Variants in ECHDC2 observed in about 807,000 individuals in gnomAD.
The protein encoded by ECHDC2 is enoyl-CoA hydratase domain-containing protein 2, mitochondrial.
In ECHDC2, 34 loss-of-function variants were observed where a neutral mutation model predicts 40.6. That is an observed-to-expected ratio of 0.84 (90% confidence interval 0.64 to 1.11). The LOEUF (loss-of-function observed/expected upper bound fraction) is 1.11. ECHDC2 is among the 50% of genes most tolerant of loss of function. The probability of loss-of-function intolerance (pLI) is 0.00; values close to 1 mark genes in which losing one functional copy is unlikely to be tolerated. For synonymous variants in ECHDC2, 162 were observed against 166.6 expected (o/e 0.97, Z 0.21); for missense variants, 392 against 400.7 (o/e 0.98, Z 0.19).
intron 7 of ECHDC2, 149 bp downstream of exon 7, chr1:52,904,497 T>A: frequency 1.4e-6 from 1 of 698,814 alleles, no homozygotes; most frequent in Admixed American, 3.4e-5. Context: ...TTTGACTTGA[T>A]TGTGTTTACT....
At chr1:52,899,653 T>C (rs1257091685) in intron 7 of ECHDC2, 2 of 169,562 alleles carry the variant, frequency 1.2e-5, no homozygotes, top group Admixed American at 1.1e-4. Flanking sequence ...AGACTTGGAT[T>C]GGACTCCCAA....
chr1:52,915,414 C>G lies in ECHDC2; in HGVS notation c.122-3624G>C, dbSNP rs1465876537. ...GGGTGTTCAGCCAGGAATTACAGAA[C>G]TATGGCTAGGGGCAAAGAACTGTAA... On this transcript the variant is annotated intron_variant, in intron 1 of 9. Coordinates refer to ENST00000371522, the MANE Select transcript of ECHDC2 (RefSeq NM_001198961.2). 3 of 453,240 alleles carry G rather than the reference C, an allele frequency of 6.6e-6. No homozygotes were observed. The Admixed American group carries it at 7.1e-5, about 11-fold the overall frequency. 28.1% of individuals were successfully genotyped at this position (453,240 alleles called of 1,614,324 possible).
chr1:52,912,010 A>C lies in ECHDC2; in HGVS notation c.122-220T>G, dbSNP rs1255593678. On this transcript the variant is annotated intron_variant, in intron 1 of 9. Transcript: ENST00000371522. Reference sequence around the variant, plus strand: ...CTTTCTGCCTCAGAGAGAAAGTGGAAGGACTTGTAAACTGTGAAGCAAAAT... The same window carrying C: ...CTTTCTGCCTCAGAGAGAAAGTGGACGGACTTGTAAACTGTGAAGCAAAAT... 3 of 1,422,282 alleles carry C rather than the reference A, an allele frequency of 2.1e-6. No homozygotes were observed. In the African/African-American group the frequency reaches 4.3e-5, roughly 20 times the overall value. 88.1% of individuals were successfully genotyped at this position (1,422,282 alleles called of 1,614,324 possible). A position where few individuals can be genotyped will look rare whatever the true frequency, so the allele number is the denominator to read the frequency against.
In ECHDC2 at chr1:52,897,460, T is replaced by C. The variant is rs1646709178; in HGVS notation, c.778A>G (p.Ile260Val). 1.9e-6 allele frequency: 3 copies of C among 1,614,106 alleles called. No homozygotes were observed. The highest frequency in any genetic ancestry group is 2.7e-5 in the African/African-American group (2 of 74,940). ...ACCTGGGCATAGCACATCCCTTCAA[T>C]GGCCATCCCAGATGCAATGTCCACC... ...TEVDIASGMA[I>V]EGMCYAQNIP... The change falls in exon 9 of 10, where the codon ATT becomes GTT. Residue 260 changes from isoleucine (I) to valine (V), a missense_variant. By Grantham distance (29) the Ile-to-Val change is conservative (BLOSUM62 3). Transcript: ENST00000371522.
At chr1:52,897,099 C>T (rs1428241241) in intron 9 of ECHDC2, 1 of 417,650 alleles carries the variant, frequency 2.4e-6, no homozygotes, top group Non-Finnish European at 4.4e-6. Flanking sequence ...CAGGCTACAA[C>T]CAAGCCCTTG....
chr1:52,909,236 C>T (rs1002491214), intron 3 of ECHDC2, among the ~76,000 whole-genome samples: 2 of 152,112 alleles, frequency 1.3e-5, no homozygotes, highest in Non-Finnish European at 2.9e-5. Flanking sequence ...CCATACAATT[C>T]TAGTCCCAAG....
rs568384211 is a variant in ECHDC2 at position 52,899,592 on chromosome 1, T to C, written c.703-368A>G. The C allele has an allele frequency of 1.3e-4, 32 of 240,348 alleles. No individual in the cohort carries two copies. In the East Asian group the frequency reaches 2.3e-3, roughly 17 times the overall value. The allele number at this position is 240,348 out of a possible 1,614,324, so 14.9% of individuals were successfully genotyped here. A position where few individuals can be genotyped will look rare whatever the true frequency, so the allele number is the denominator to read the frequency against. On this transcript the variant is annotated intron_variant, in intron 7 of 9. Transcript: ENST00000371522. ...CAGCTGTGATTTTACAGCTGTGAGA[T>C]TGCAGTGCAGGGAGGTGAAGCACTT...
In ECHDC2 at chr1:52,903,180, G is replaced by A. The variant is rs756384465; in HGVS notation, c.702+1466C>T. Among the ~76,000 whole-genome samples the A allele has an allele frequency of 1.5e-4, 23 of 152,030 alleles. No individual in the cohort carries two copies. In the South Asian group the frequency reaches 3.1e-3, roughly 21 times the overall value. ...CCCTGCAGCTGGTAGGGTTGTACCTGGGCAGGGCCTGACCTGCTCCCTACT... is the reference window on the plus strand; with the variant it reads ...CCCTGCAGCTGGTAGGGTTGTACCTAGGCAGGGCCTGACCTGCTCCCTACT... On this transcript the variant is annotated intron_variant, in intron 7 of 9. Transcript: ENST00000371522.
chr1:52,905,904 T>G (rs1278346101), intron 5 of ECHDC2: 1 of 209,106 alleles, frequency 4.8e-6, no homozygotes, highest in Non-Finnish European at 9.7e-6. Flanking sequence ...CTACACATTT[T>G]TATATGTTGC....
chr1:52,897,103 GCCCTTGACCT>G (rs1260120373), intron 9 of ECHDC2: 20 of 421,930 alleles, frequency 4.7e-5, no homozygotes, highest in Non-Finnish European at 7.4e-5. Flanking sequence ...CTACAACCAA[GCCCTTGACCT>G]CCCAACTCCA....
rs183976804 is a variant in ECHDC2, at chr1:52,915,031, C to T, written c.122-3241G>A. The T allele has an allele frequency of 1.2e-5, 4 of 343,676 alleles. No individual in the cohort carries two copies. In the East Asian group the frequency reaches 3.0e-4, roughly 26 times the overall value. The allele number at this position is 343,676 out of a possible 1,614,324, so 21.3% of individuals were successfully genotyped here. On this transcript the variant is annotated intron_variant, in intron 1 of 9. Coordinates refer to ENST00000371522, the MANE Select transcript of ECHDC2 (RefSeq NM_001198961.2). ...AACTCCTTAATACCGACCATAAGGCCCCCCCAATCTGACTCTTGCACCCAC... is the reference window on the plus strand; with the variant it reads ...AACTCCTTAATACCGACCATAAGGCTCCCCCAATCTGACTCTTGCACCCAC...
At chr1:52,906,764 CT>C (rs1224675333) in intron 4 of ECHDC2, among the ~76,000 whole-genome samples, 153 bp from the exon 5 acceptor site, 1,962 of 131,104 alleles carry the variant, frequency 0.015, 38 homozygotes, top group African/African-American at 0.047. Context: ...TATCTTAATT[CT>C]TTTTTTTTTT....
intron 1 of ECHDC2, among the ~76,000 whole-genome samples, chr1:52,917,096 A>C (rs534609812): frequency 5.0e-4 from 76 of 152,092 alleles, no homozygotes; most frequent in African/African-American, 1.7e-3. Flanking sequence ...GGTGGCACAC[A>C]CCTATAATCC....
chr1:52,915,506 G>T (rs1314598427), intron 1 of ECHDC2, among the ~76,000 whole-genome samples: 1 of 152,190 alleles, frequency 6.6e-6, no homozygotes, highest in East Asian at 1.9e-4. Flanking sequence ...AGCCCAGCAG[G>T]TCTGGAGGCT....
chr1:52,897,665 A>G, intron 8 of ECHDC2, 181 bp from the exon 9 acceptor site: 1 of 650,908 alleles, frequency 1.5e-6, no homozygotes. Flanking sequence ...GAGAAACGAG[A>G]CAGACTGAGA....
rs200827816 is a variant in ECHDC2, at chr1:52,907,889, G to A, written c.343C>T (p.Arg115Trp). The change falls in exon 4 of 10, where the codon CGG (arginine) becomes TGG (tryptophan). Residue 115 changes from arginine to tryptophan, a missense_variant. Transcript: ENST00000371522. ...AEVGVFVQRLRGLMNDIAAFP... is the reference protein window; with the variant it reads ...AEVGVFVQRLWGLMNDIAAFP... ...TCACCGATGTCATTCATCAGGCCCC[G>A]GAGTCGCTGGACAAACACCCCCACC... 18 of 1,589,122 alleles carry A rather than the reference G, an allele frequency of 1.1e-5. No individual in the cohort carries two copies. The highest frequency in any genetic ancestry group is 4.4e-5 in the South Asian group (4 of 90,698).
intron 7 of ECHDC2, among the ~76,000 whole-genome samples, chr1:52,903,879 G>A (rs958694741): frequency 2.9e-4 from 43 of 149,500 alleles, no homozygotes; most frequent in African/African-American, 9.9e-4. Context: ...GTGCAATGGC[G>A]CGATCTTGGC....
At position 52,921,358 on chromosome 1, in the gene ECHDC2, C is replaced by G. The variant is rs544321189; in HGVS notation, c.121+195G>C. ...GACCGAGGTTGCCAGAGGCCCCCCGCCCCCAGCTAGAGTCTGGAGCCACTA... is the reference window on the plus strand; with the variant it reads ...GACCGAGGTTGCCAGAGGCCCCCCGGCCCCAGCTAGAGTCTGGAGCCACTA... On this transcript the variant is annotated intron_variant, in intron 1 of 9. Transcript: ENST00000371522. 6.1e-5 allele frequency: 80 copies of G among 1,315,342 alleles called. No homozygotes were observed. In the African/African-American group the frequency reaches 1.2e-3, roughly 19 times the overall value. 81.5% of individuals were successfully genotyped at this position (1,315,342 alleles called of 1,614,324 possible).
In ECHDC2 at chr1:52,907,965, C is replaced by T. The variant is rs552471016; in HGVS notation, c.278-11G>A. 30 of 1,613,646 alleles carry T rather than the reference C, an allele frequency of 1.9e-5. No individual in the cohort carries two copies. The highest frequency in any genetic ancestry group is 1.8e-4 in the South Asian group (16 of 91,002). On this transcript the variant is annotated splice_polypyrimidine_tract_variant and intron_variant, in intron 3 of 9. Transcript: ENST00000371522. ...CCTTCAGGTCTGCACCTGCAGATGG[C>T]GAGGGTTGGTACCAGCCCTTAGGAA...
Sources: gnomAD v4.1 joint callset for allele counts (sites outside exome capture counted in the v4.1 genomes callset) on GRCh38, gnomAD v4.1.1 for gene constraint, MANE v1.5 for transcripts, NCBI Gene and HGNC (gene_info 2026-07-23, HGNC 2026-07-21) for gene names.